MUC22: variants seen among roughly 807,000 people sequenced by gnomAD.
The protein encoded by MUC22 is mucin-22.
In MUC22, 24 loss-of-function variants were observed where a neutral mutation model predicts 40.3. The observed-to-expected ratio is 0.60, with a 90% CI of 0.43 to 0.84. The LOEUF (loss-of-function observed/expected upper bound fraction) is 0.84, where lower values mean the gene tolerates loss of function less well. Among genes scored for constraint, MUC22 ranks in the 40% least tolerant of loss-of-function variants. The pLI is 0.00. For synonymous variants in MUC22, 765 were observed against 844.5 expected (o/e 0.91, Z 1.63); for missense variants, 1,926 against 2,130.7 (o/e 0.90, Z 1.89).
chr6:31,019,002 A>G (rs1387137472), intron 1 of MUC22, among the ~76,000 whole-genome samples: 1 of 152,220 alleles, frequency 6.6e-6, no homozygotes, highest in African/African-American at 2.4e-5. Context: ...GGCTTTAAAT[A>G]CAATGTATAT....
intron 1 of MUC22, among the ~76,000 whole-genome samples, chr6:31,023,551 A>T (rs144835716): frequency 0.011 from 1,683 of 152,286 alleles, 26 homozygotes; most frequent in Non-Finnish European, 0.015. Context: ...TCTCTAAAAA[A>T]GAATCAGACC....
intron 1 of MUC22, among the ~76,000 whole-genome samples, chr6:31,015,266 C>T (rs1764113269): frequency 6.6e-6 from 1 of 151,996 alleles, no homozygotes; most frequent in African/African-American, 2.4e-5. Flanking sequence ...ATTGGCTAGC[C>T]CTGGAAGGTC....
chr6:31,022,158 T>C (rs1003817004), intron 1 of MUC22, among the ~76,000 whole-genome samples: 11 of 152,110 alleles, frequency 7.2e-5, no homozygotes, highest in Non-Finnish European at 1.2e-4. Context: ...ACTCCAGACA[T>C]GCCACCTTAA....
At chr6:31,017,549 T>TA (rs1272550367) in intron 1 of MUC22, among the ~76,000 whole-genome samples, 2 of 152,074 alleles carry the variant, frequency 1.3e-5, no homozygotes, top group East Asian at 3.9e-4. Flanking sequence ...TAAGGGATTG[T>TA]AAATACACCA....
Position 31,022,260 on chromosome 6 carries a change from CG to C in MUC22, c.71-3241del, listed in dbSNP as rs1232263979. 2.0e-5 allele frequency among the ~76,000 whole-genome samples: 3 copies of C among 152,092 alleles called. No homozygotes were observed. The South Asian group carries it at 6.2e-4, about 32-fold the overall frequency. ...CAATTCCAGACACACTGGGTTCAAG[CG>C]ATTTTCCTGCCTCAGCTTCTCGAGT... On this transcript the variant is annotated intron_variant, in intron 1 of 3. Transcript: ENST00000561890.
chr6:31,018,438 C>T (rs1370336835), intron 1 of MUC22, among the ~76,000 whole-genome samples: 1 of 152,194 alleles, frequency 6.6e-6, no homozygotes, highest in Non-Finnish European at 1.5e-5. Context: ...TTGACTTACT[C>T]TCACCCCCAA....
Position 31,032,568 on chromosome 6 carries a change from T to C in MUC22, c.5042T>C (p.Leu1681Pro). ...GCTGCTGTTGGATTGTCAGTAGGAC[T>C]GAGTTTTTGTCTGGTGAGTACCCAG... is the stretch of plus-strand genomic sequence containing the variant. Residue 1681 changes from leucine (L) to proline (P), a missense_variant, in exon 3 of 4, where the codon CTG becomes CCG. Physicochemically the swap from Leu to Pro is moderately conservative, Grantham distance 98. Around this residue, in one of 3 missense-constraint regions of MUC22, gnomAD observed 610 missense variants for 714.6 expected, o/e 0.85. Transcript: ENST00000561890. The surrounding 1 kb of genome is among the most constrained non-coding windows in gnomAD (Gnocchi z 4.1). 1 of 1,534,338 alleles carries C rather than the reference T, an allele frequency of 6.5e-7. No individual in the cohort carries two copies. The highest frequency in any genetic ancestry group is 8.7e-7 in the Non-Finnish European group (1 of 1,146,054).
exon 2 of MUC22, chr6:31,025,935 C>A (rs1437814458): frequency 6.5e-7 from 1 of 1,535,632 alleles, no homozygotes; most frequent in East Asian, 2.4e-5. Context: ...AAACGATGGC[C>A]TCCTCCATAA....
chr6:31,016,807 G>A (rs1044497363), intron 1 of MUC22, among the ~76,000 whole-genome samples: 14 of 152,252 alleles, frequency 9.2e-5, no homozygotes, highest in African/African-American at 2.7e-4. Context: ...AGGCACGGGC[G>A]GGAACCCGGG....
chr6:31,029,092 A>T (rs770908541), exon 2 of MUC22: 1 of 1,524,674 alleles, frequency 6.6e-7, no homozygotes, highest in East Asian at 2.5e-5. Flanking sequence ...AGTCACTACT[A>T]TGGGCTCTGA....
chr6:31,018,629 A>G (rs1241099806), intron 1 of MUC22, among the ~76,000 whole-genome samples: 1 of 152,264 alleles, frequency 6.6e-6, no homozygotes, highest in Non-Finnish European at 1.5e-5. Flanking sequence ...GTAAGCCTCC[A>G]TATATACTTA....
At chr6:31,028,297 A>G (rs761528446) in exon 2 of MUC22, 2 of 1,534,596 alleles carry the variant, frequency 1.3e-6, no homozygotes, top group South Asian at 1.2e-5. Flanking sequence ...TGAGACCACT[A>G]AAGTTTCTAC....
At chr6:31,016,859 C>T (rs1385395554) in intron 1 of MUC22, among the ~76,000 whole-genome samples, 4 of 152,192 alleles carry the variant, frequency 2.6e-5, no homozygotes, top group Non-Finnish European at 5.9e-5. Context: ...TCCAGGTGGG[C>T]GTGGCCTCGG....
intron 1 of MUC22, among the ~76,000 whole-genome samples, chr6:31,023,177 A>AAAAGT (rs530112143): frequency 1.1e-4 from 14 of 129,914 alleles, no homozygotes; most frequent in Admixed American, 5.8e-4. Flanking sequence ...AAAAAAAAAA[A>AAAAGT]AGGCGAAAAA....
chr6:31,026,095 G>A (rs1315895522), exon 2 of MUC22: 1 of 1,530,554 alleles, frequency 6.5e-7, no homozygotes, highest in Non-Finnish European at 8.7e-7. Context: ...ATCTACTGCA[G>A]GTTCTGAGAC....
chr6:31,025,846 A>G (rs982204309), exon 2 of MUC22: 2 of 1,533,568 alleles, frequency 1.3e-6, no homozygotes, highest in Non-Finnish European at 1.7e-6. Flanking sequence ...TGGGACCACA[A>G]CAACCTTTAC....
At chr6:31,020,439 G>A (rs1447525517) in intron 1 of MUC22, among the ~76,000 whole-genome samples, 1 of 99,836 alleles carries the variant, frequency 1.0e-5, no homozygotes, top group African/African-American at 3.7e-5. Flanking sequence ...CCTGGAAATT[G>A]ACTTTTTTTT....
chr6:31,026,279 A>AC lies in MUC22; in HGVS notation c.848_849insC (p.Lys283AsnfsTer4). Reference sequence around the variant, plus strand: ...TCTGAGACCACTACAATCCTGATTAAAGCCTCTGAGACCACCACAGCCTCT... The same window carrying AC: ...TCTGAGACCACTACAATCCTGATTAACAGCCTCTGAGACCACCACAGCCTCT... On this transcript the variant is annotated frameshift_variant, in exon 2 of 4. Coordinates refer to ENST00000561890, the Ensembl canonical transcript of MUC22. LOFTEE classifies it high-confidence loss of function. 6.7e-7 allele frequency: 1 copy of AC among 1,503,056 alleles called. No homozygotes were observed. 93.1% of individuals were successfully genotyped at this position (1,503,056 alleles called of 1,614,324 possible). A position where few individuals can be genotyped will look rare whatever the true frequency, so the allele number is the denominator to read the frequency against.
rs141275562 is a variant in MUC22, at chr6:31,018,504, G to A, written c.71-6998G>A. Among the ~76,000 whole-genome samples the A allele has an allele frequency of 2.8e-3, 418 of 149,410 alleles. 2 individuals carry two copies. Among genetic ancestry groups the A allele is most frequent in the African/African-American group, 8.9e-3 (359 of 40,248 alleles). ...TGTGTTGGAGAGTTACCACTCATCT[G>A]CCTATTACCTTCAAAAAAACAAAAA... On this transcript the variant is annotated intron_variant, in intron 1 of 3. Coordinates refer to ENST00000561890, the Ensembl canonical transcript of MUC22.
Sources: allele counts gnomAD v4.1 joint callset (sites outside exome capture counted in the v4.1 genomes callset), GRCh38; gene constraint gnomAD v4.1.1; regional missense constraint gnomAD v4.1.1; non-coding constraint Gnocchi (gnomAD v3.1); transcripts MANE v1.5; gene names NCBI Gene and HGNC (gene_info 2026-07-23, HGNC 2026-07-21).